NEDD4L: variants seen among roughly 807,000 people sequenced by gnomAD.
The protein encoded by NEDD4L is NEDD4 like E3 ubiquitin protein ligase.
In NEDD4L, 54 loss-of-function variants were observed where a neutral mutation model predicts 148.9. The observed-to-expected ratio is 0.36, with a 90% CI of 0.29 to 0.45. The LOEUF (loss-of-function observed/expected upper bound fraction) is 0.45, where lower values mean the gene tolerates loss of function less well. Among genes scored for constraint, NEDD4L ranks in the 20% least tolerant of loss-of-function variants. The pLI is 1.00. For synonymous variants in NEDD4L, 433 were observed against 440.7 expected, an observed-to-expected ratio of 0.98 and a Z score of 0.22; for missense variants, 856 against 1,233.8, an observed-to-expected ratio of 0.69 and a Z score of 4.59.
rs558943692 is a variant in NEDD4L, at chr18:58,373,595, T to C, written c.2352+326T>C. Reference sequence around the variant, plus strand: ...GGTACTTGAAAAAATAGTGAGATTGTTGACTTAGCGATGTAAATACATGAC... The same window carrying C: ...GGTACTTGAAAAAATAGTGAGATTGCTGACTTAGCGATGTAAATACATGAC... On this transcript the variant is annotated intron_variant, in intron 24 of 30. Transcript: ENST00000400345. Among the ~76,000 whole-genome samples, 4 of 152,348 alleles carry C rather than the reference T, an allele frequency of 2.6e-5. No homozygotes were observed. The South Asian group carries it at 8.3e-4, about 32-fold the overall frequency.
intron 2 of NEDD4L, among the ~76,000 whole-genome samples, chr18:58,229,907 TG>T (rs1373343667): frequency 6.6e-6 from 1 of 152,102 alleles, no homozygotes; most frequent in Non-Finnish European, 1.5e-5. Flanking sequence ...GAGAATCCCT[TG>T]AACCCAGGAG....
chr18:58,130,856 G>A (rs2031994007), intron 1 of NEDD4L, among the ~76,000 whole-genome samples: 1 of 148,578 alleles, frequency 6.7e-6, no homozygotes, highest in Non-Finnish European at 1.5e-5. Context: ...GGTTGGTTGT[G>A]ATCTAGTGGA....
intron 22 of NEDD4L, among the ~76,000 whole-genome samples, chr18:58,369,351 T>C (rs2046523894): frequency 6.6e-6 from 1 of 152,174 alleles, no homozygotes; most frequent in South Asian, 2.1e-4. Context: ...GATCACGATA[T>C]AAACCTGGAA....
At chr18:58,066,393 T>G (rs1388662110) in intron 1 of NEDD4L, among the ~76,000 whole-genome samples, 3 of 83,442 alleles carry the variant, frequency 3.6e-5, no homozygotes, top group African/African-American at 2.3e-4. Flanking sequence ...ATTAGTTTTT[T>G]TTTTTTTTTT....
chr18:58,160,573 T>G (rs993638206), intron 1 of NEDD4L, among the ~76,000 whole-genome samples: 2 of 152,234 alleles, frequency 1.3e-5, no homozygotes, highest in African/African-American at 4.8e-5. Context: ...CTTAGCTAAA[T>G]ATTTAATTCT....
chr18:58,136,525 A>G (rs565361503), intron 1 of NEDD4L, among the ~76,000 whole-genome samples: 2 of 152,300 alleles, frequency 1.3e-5, no homozygotes, highest in Admixed American at 6.5e-5. Context: ...GATGAAAGGG[A>G]GGAACCCAGG....
chr18:58,226,033 T>C (rs996153028), intron 2 of NEDD4L, among the ~76,000 whole-genome samples: 10 of 152,190 alleles, frequency 6.6e-5, no homozygotes, highest in African/African-American at 2.4e-4. Context: ...AACCAACCTT[T>C]AGAAATCTTT....
At position 58,066,860 on chromosome 18, in the gene NEDD4L, G is replaced by A. The variant is rs13380918; in HGVS notation, c.48+22152G>A. 5.8e-3 allele frequency among the ~76,000 whole-genome samples: 879 copies of A among 152,118 alleles called. 2 individuals are homozygous for A. The highest frequency in any genetic ancestry group is 9.3e-3 in the Non-Finnish European group (632 of 67,992). On this transcript the variant is annotated intron_variant, in intron 1 of 30. Transcript: ENST00000400345. ...TAACCAAGCACAGACTCACTATCAC[G>A]AGAGCAACACTGAGGGGCAAAATCC...
intron 5 of NEDD4L, among the ~76,000 whole-genome samples, chr18:58,286,013 C>G (rs1009094059): frequency 6.6e-6 from 1 of 152,108 alleles, no homozygotes; most frequent in Non-Finnish European, 1.5e-5. Context: ...ACCTTAAGTT[C>G]TTATTTAGAT....
intron 1 of NEDD4L, among the ~76,000 whole-genome samples, chr18:58,099,554 G>T (rs1425174498): frequency 1.3e-5 from 2 of 152,318 alleles, no homozygotes; most frequent in Admixed American, 6.5e-5. Context: ...TCCTGTTAGA[G>T]TGGGATAGTG....
At position 58,044,283 on chromosome 18, in the gene NEDD4L, C is replaced by G. The variant is rs2081473935; in HGVS notation, c.-378C>G. 1 of 150,052 alleles carries G rather than the reference C, an allele frequency of 6.7e-6. No homozygotes were observed. Among genetic ancestry groups the G allele is most frequent in the Non-Finnish European group, 1.5e-5 (1 of 67,576 alleles). 9.3% of individuals were successfully genotyped at this position (150,052 alleles called of 1,614,324 possible). A position where few individuals can be genotyped will look rare whatever the true frequency, so the allele number is the denominator to read the frequency against. Reference sequence around the variant, plus strand: ...GGCGGGCGAGCCGGGTCCCCGGGAGCGCAGAGGAGGCTCGGAGGGGGGCGG... The same window carrying G: ...GGCGGGCGAGCCGGGTCCCCGGGAGGGCAGAGGAGGCTCGGAGGGGGGCGG... On this transcript the variant is annotated 5_prime_UTR_variant, in exon 1 of 31. Transcript: ENST00000400345.
intron 5 of NEDD4L, among the ~76,000 whole-genome samples, chr18:58,265,817 G>A (rs1017242724): frequency 6.6e-6 from 1 of 152,048 alleles, no homozygotes; most frequent in African/African-American, 2.4e-5. Context: ...TCCTGCCTTG[G>A]CCTCCCAAAG....
intron 2 of NEDD4L, among the ~76,000 whole-genome samples, chr18:58,182,523 T>C (rs2038974453): frequency 1.3e-5 from 2 of 148,636 alleles, no homozygotes; most frequent in Admixed American, 6.7e-5. Context: ...TTTTTTTTTT[T>C]TTTTTTTTGA....
In NEDD4L at chr18:58,387,432, C is replaced by A. The variant is rs746481322; in HGVS notation, c.2488-7C>A. On this transcript the variant is annotated splice_region_variant and splice_polypyrimidine_tract_variant and intron_variant, in intron 26 of 30. Transcript: ENST00000400345. The stretch of plus-strand genomic sequence containing the variant: ...GGTGTTTAAGATGTTTTTTTTTTTT[C>A]TTTCAGGGATTCACAGAACTACTTC... 49 of 1,295,174 alleles carry A rather than the reference C, an allele frequency of 3.8e-5. No individual in the cohort carries two copies. Among genetic ancestry groups the A allele is most frequent in the East Asian group, 9.1e-5 (3 of 32,938 alleles). 80.2% of individuals were successfully genotyped at this position (1,295,174 alleles called of 1,614,324 possible). A position where few individuals can be genotyped will look rare whatever the true frequency, so the allele number is the denominator to read the frequency against.
At chr18:58,311,259 A>C (rs1257568112) in intron 5 of NEDD4L, among the ~76,000 whole-genome samples, 1 of 152,202 alleles carries the variant, frequency 6.6e-6, no homozygotes, top group Non-Finnish European at 1.5e-5. Context: ...TCTGTTCTAT[A>C]TTATGCTTAA....
intron 5 of NEDD4L, among the ~76,000 whole-genome samples, chr18:58,282,556 C>T (rs1027261066): frequency 2.6e-5 from 4 of 152,158 alleles, no homozygotes; most frequent in Non-Finnish European, 4.4e-5. Context: ...GGTAAATGAA[C>T]GAATGAATTT....
At chr18:58,150,814 G>A (rs1159203993) in intron 1 of NEDD4L, among the ~76,000 whole-genome samples, 2 of 152,014 alleles carry the variant, frequency 1.3e-5, no homozygotes, top group East Asian at 1.9e-4. Flanking sequence ...TGTGGTTGGC[G>A]GGTACCCAGC....
At chr18:58,250,074 C>T (rs1043499813) in intron 4 of NEDD4L, among the ~76,000 whole-genome samples, 1 of 152,222 alleles carries the variant, frequency 6.6e-6, no homozygotes, top group African/African-American at 2.4e-5. Context: ...ATACTTTTTT[C>T]AGCTAATCTT....
intron 1 of NEDD4L, chr18:58,149,568 C>T (rs769775098): frequency 1.2e-5 from 19 of 1,532,238 alleles, no homozygotes; most frequent in African/African-American, 4.1e-5. Context: ...AGGTAACACT[C>T]GGTAAGACTT....
Sources: allele counts gnomAD v4.1 joint callset (sites outside exome capture counted in the v4.1 genomes callset), GRCh38; gene constraint gnomAD v4.1.1; transcripts MANE v1.5; gene names NCBI Gene and HGNC (gene_info 2026-07-23, HGNC 2026-07-21).